Variants in ITGA9 observed in about 807,000 individuals in gnomAD.
The protein encoded by ITGA9 is integrin alpha-9.
A neutral mutation model predicts 127.8 loss-of-function variants in ITGA9; 56 were observed. The ratio of observed to expected loss-of-function variants is 0.44; its 90% CI spans 0.35 to 0.55. ITGA9 has a LOEUF of 0.55. Ranked by LOEUF, ITGA9 falls within the 20% of genes least tolerant of loss-of-function variation. The pLI is 0.00. For missense variants in ITGA9, 1,196 were observed against 1,347.1 expected, an observed-to-expected ratio of 0.89 and a Z score of 1.76; for synonymous variants, 508 against 514.5, an observed-to-expected ratio of 0.99 and a Z score of 0.17.
At chr3:37,800,436 G>A (rs907872386) in intron 26 of ITGA9, among the ~76,000 whole-genome samples, 3 of 152,208 alleles carry the variant, frequency 2.0e-5, no homozygotes, top group African/African-American at 7.2e-5. Flanking sequence ...CCAGATTAAA[G>A]CCAGCGCTCC....
intron 20 of ITGA9, among the ~76,000 whole-genome samples, chr3:37,739,345 A>C (rs2685079): frequency 6.6e-6 from 1 of 152,230 alleles, no homozygotes; most frequent in African/African-American, 2.4e-5. Flanking sequence ...ATTATCTTCT[A>C]AGCACACACC....
At chr3:37,523,999 C>A (rs1457413270) in intron 12 of ITGA9, among the ~76,000 whole-genome samples, 1 of 152,140 alleles carries the variant, frequency 6.6e-6, no homozygotes, top group Non-Finnish European at 1.5e-5. Context: ...ACCCCCACCG[C>A]CCCCTGCCCC....
chr3:37,647,958 C>G (rs1700394957), intron 16 of ITGA9, among the ~76,000 whole-genome samples: 1 of 152,062 alleles, frequency 6.6e-6, no homozygotes, highest in Admixed American at 6.5e-5. Flanking sequence ...CATGTCTTAG[C>G]TGTTGTGAAT....
rs1696569064 is a variant in ITGA9, at chr3:37,750,463, T to C, written c.2435T>C (p.Val812Ala). 1 of 1,595,764 alleles carries C rather than the reference T, an allele frequency of 6.3e-7. No homozygotes were observed. The highest frequency in any genetic ancestry group is 8.6e-7 in the Non-Finnish European group (1 of 1,163,154). Residue 812 changes from valine (V) to alanine (A), a missense_variant and splice_region_variant, in exon 23 of 28, where the codon GTC becomes GCC. Val to Ala is a moderately conservative substitution (Grantham distance 64). Coordinates refer to ENST00000264741, the MANE Select transcript of ITGA9 (RefSeq NM_002207.3). Reference sequence around the variant, plus strand: ...GCTGTGTGTGTTCCACACCCACAGGTCTACAACACTGGCCCAAGCACCCTT... The same window carrying C: ...GCTGTGTGTGTTCCACACCCACAGGCCTACAACACTGGCCCAAGCACCCTT... ...HFQPINITLQ[V>A]YNTGPSTLPG...
At chr3:37,662,144 G>A (rs1404727966) in intron 17 of ITGA9, among the ~76,000 whole-genome samples, 2 of 152,174 alleles carry the variant, frequency 1.3e-5, no homozygotes, top group East Asian at 3.9e-4. Flanking sequence ...GGCTGTGCCT[G>A]TAATCCCAGC....
At chr3:37,542,681 T>C in intron 15 of ITGA9, 96 bp downstream of exon 15, 1 of 1,314,644 alleles carries the variant, frequency 7.6e-7, no homozygotes, top group Non-Finnish European at 1.1e-6. Context: ...TTATGTGTGC[T>C]CTTCCAAAAT....
chr3:37,474,080 T>C (rs1427360632), intron 3 of ITGA9, among the ~76,000 whole-genome samples: 1 of 152,252 alleles, frequency 6.6e-6, no homozygotes, highest in Non-Finnish European at 1.5e-5. Context: ...CTACATAATA[T>C]TACATTTTAT....
At position 37,803,823 on chromosome 3, in the gene ITGA9, G is replaced by A. The variant is rs1388120433; in HGVS notation, c.2890G>A (p.Val964Met). 3 of 1,614,102 alleles carry A rather than the reference G, an allele frequency of 1.9e-6. No individual in the cohort carries two copies. The highest frequency in any genetic ancestry group is 2.5e-6 in the Non-Finnish European group (3 of 1,179,990). The change falls in exon 27 of 28, where the codon GTG (valine) becomes ATG (methionine). Residue 964 changes from valine (V) to methionine (M), a missense_variant and splice_region_variant. By Grantham distance (21) the Val-to-Met change is conservative. Coordinates refer to ENST00000264741, the MANE Select transcript of ITGA9 (RefSeq NM_002207.3). The stretch of plus-strand genomic sequence containing the variant: ...TTTTCACTGTTGCGTTGCCTCCTAG[G>A]TGGTCTTCGAGGCCCTGCACAATCT... The part of the protein sequence containing the change: ...IAHGNPEEVT[V>M]VFEALHNLEP...
intron 26 of ITGA9, among the ~76,000 whole-genome samples, chr3:37,786,628 A>C (rs79476334): frequency 3.3e-5 from 5 of 151,876 alleles, no homozygotes; most frequent in Non-Finnish European, 7.4e-5. Context: ...AAAAAAAAAA[A>C]CCAATAGTAA....
chr3:37,667,787 C>T (rs1700599878), intron 17 of ITGA9, among the ~76,000 whole-genome samples: 1 of 152,174 alleles, frequency 6.6e-6, no homozygotes, highest in Non-Finnish European at 1.5e-5. Flanking sequence ...AGTCACTTAT[C>T]TGAGGTCAAA....
At chr3:37,658,872 G>A (rs1315246542) in intron 17 of ITGA9, among the ~76,000 whole-genome samples, 1 of 152,182 alleles carries the variant, frequency 6.6e-6, no homozygotes, top group African/African-American at 2.4e-5. Flanking sequence ...CTCTTGTAAG[G>A]CAGGCCTGGT....
At chr3:37,620,855 G>C (rs1161243525) in intron 15 of ITGA9, among the ~76,000 whole-genome samples, 1 of 152,136 alleles carries the variant, frequency 6.6e-6, no homozygotes. Context: ...TCTTGTAAGG[G>C]CACCTTCTCT....
chr3:37,744,390 C>T lies in ITGA9; in HGVS notation c.2433+356C>T, dbSNP rs1470274539. 9.2e-5 allele frequency among the ~76,000 whole-genome samples: 14 copies of T among 152,348 alleles called. No homozygotes were observed. In the East Asian group the frequency reaches 2.5e-3, roughly 27 times the overall value. ...ATTCCCCACCTTCTGGGCAGGGCTG[C>T]CTCAGAGGATTTGCTGTGTCCCTTC... On this transcript the variant is annotated intron_variant, in intron 22 of 27. Coordinates refer to ENST00000264741, the MANE Select transcript of ITGA9 (RefSeq NM_002207.3).
chr3:37,768,801 T>TA (rs1696808513), intron 23 of ITGA9, among the ~76,000 whole-genome samples: 1 of 151,900 alleles, frequency 6.6e-6, no homozygotes, highest in African/African-American at 2.4e-5. Context: ...TTTTTTTTTT[T>TA]ACCCAAAAAC....
intron 1 of ITGA9, among the ~76,000 whole-genome samples, chr3:37,466,576 C>T (rs897613458): frequency 7.5e-5 from 11 of 147,512 alleles, no homozygotes; most frequent in South Asian, 6.6e-4. Context: ...CCTTGCTTCT[C>T]AAGGGCAATC....
intron 3 of ITGA9, 28 bp downstream of exon 3, chr3:37,473,488 A>G: frequency 6.5e-7 from 1 of 1,529,672 alleles, no homozygotes; most frequent in Non-Finnish European, 9.1e-7. Context: ...GTGCTGTGGG[A>G]AGGGGGTGGC....
At chr3:37,497,234 A>T (rs1204370044) in intron 5 of ITGA9, among the ~76,000 whole-genome samples, 2 of 151,464 alleles carry the variant, frequency 1.3e-5, no homozygotes, top group Non-Finnish European at 2.9e-5. Context: ...TGTGTTGCAA[A>T]TTTTTTCATC....
At chr3:37,748,474 A>G in intron 22 of ITGA9, 1 of 564,926 alleles carries the variant, frequency 1.8e-6, no homozygotes, top group Non-Finnish European at 3.3e-6. Context: ...AGCTGGCGGC[A>G]CAGTAGCTCA....
chr3:37,506,428 C>G (rs1698844499), intron 7 of ITGA9, among the ~76,000 whole-genome samples: 1 of 152,158 alleles, frequency 6.6e-6, no homozygotes, highest in South Asian at 2.1e-4. Flanking sequence ...AATCCCAAAC[C>G]CTTCCCAAGT....
Sources: allele counts gnomAD v4.1 joint callset (sites outside exome capture counted in the v4.1 genomes callset), GRCh38; gene constraint gnomAD v4.1.1; transcripts MANE v1.5; gene names NCBI Gene and HGNC (gene_info 2026-07-23, HGNC 2026-07-21).